SLC25A48: variants seen among roughly 807,000 people sequenced by gnomAD.
The protein encoded by SLC25A48 is CTC-321K16.1.
SLC25A48 carries 29 observed loss-of-function variants against 32.2 expected under a neutral mutation model. That is an observed-to-expected ratio of 0.90 (90% confidence interval 0.67 to 1.23). SLC25A48 has a LOEUF of 1.23. Among genes scored for constraint, SLC25A48 ranks in the 50% most tolerant of loss-of-function variants. The pLI is 0.00. For missense variants in SLC25A48, 399 were observed against 422.7 expected, an observed-to-expected ratio of 0.94 and a Z score of 0.49; for synonymous variants, 164 against 172.3, an observed-to-expected ratio of 0.95 and a Z score of 0.38.
chr5:135,712,088 T>C (rs2126975243), intron 3 of SLC25A48, among the ~76,000 whole-genome samples: 1 of 152,344 alleles, frequency 6.6e-6, no homozygotes, highest in Non-Finnish European at 1.5e-5. Flanking sequence ...TCAGAGCATC[T>C]TTTGTTCCAA....
intron 1 of SLC25A48, among the ~76,000 whole-genome samples, chr5:135,594,293 A>G (rs754801353): frequency 1.3e-5 from 2 of 152,218 alleles, no homozygotes; most frequent in Non-Finnish European, 2.9e-5. Flanking sequence ...AAGTGGCTTC[A>G]GTTGGGGATA....
At chr5:135,858,589 G>A (rs1760526247) in intron 4 of SLC25A48, among the ~76,000 whole-genome samples, 1 of 152,218 alleles carries the variant, frequency 6.6e-6, no homozygotes, top group Admixed American at 6.5e-5. Flanking sequence ...GAGGAACAAA[G>A]AGGTTTCATA....
rs551917606 is a variant in SLC25A48 at position 135,778,935 on chromosome 5, A to G, written c.-520-33588A>G. On this transcript the variant is annotated intron_variant, in intron 3 of 10. Coordinates refer to the SLC25A48 transcript ENST00000646290. The stretch of plus-strand genomic sequence containing the variant: ...GCAGGAGGTGTACACCTCCACTCAT[A>G]TATGTTTTAGTTCTCAAGGGGGGAG... 4.0e-5 allele frequency among the ~76,000 whole-genome samples: 6 copies of G among 148,212 alleles called. No homozygotes were observed. In the South Asian group the frequency reaches 1.3e-3, roughly 32 times the overall value.
At chr5:135,792,713 T>A (rs1757062902) in intron 3 of SLC25A48, among the ~76,000 whole-genome samples, 1 of 151,772 alleles carries the variant, frequency 6.6e-6, no homozygotes, top group Non-Finnish European at 1.5e-5. Context: ...GAATACTATT[T>A]GTAATATCCT....
chr5:135,641,531 C>T (rs1752837740), intron 3 of SLC25A48, among the ~76,000 whole-genome samples: 1 of 152,120 alleles, frequency 6.6e-6, no homozygotes, highest in Non-Finnish European at 1.5e-5. Flanking sequence ...CCAGAGGGTA[C>T]TGGAACTCTT....
chr5:135,833,229 C>T (rs193011753), upstream of SLC25A48, among the ~76,000 whole-genome samples: 7 of 152,364 alleles, frequency 4.6e-5, no homozygotes, highest in East Asian at 5.8e-4. Context: ...TGCTCCAGCT[C>T]GTTAGTAGTT....
At chr5:135,837,446 G>C (rs1055443330) in intron 1 of SLC25A48, among the ~76,000 whole-genome samples, 2 of 152,130 alleles carry the variant, frequency 1.3e-5, no homozygotes, top group African/African-American at 4.8e-5. Flanking sequence ...GTGTTCTCGG[G>C]AATTTGTCTT....
At chr5:135,632,462 C>T (rs983375903) in intron 2 of SLC25A48, among the ~76,000 whole-genome samples, 1 of 152,228 alleles carries the variant, frequency 6.6e-6, no homozygotes, top group South Asian at 2.1e-4. Flanking sequence ...TAAACTTTAG[C>T]ATGCTCAGGG....
intron 3 of SLC25A48, among the ~76,000 whole-genome samples, chr5:135,667,536 G>T (rs1238305837): frequency 6.6e-6 from 1 of 152,062 alleles, no homozygotes; most frequent in Non-Finnish European, 1.5e-5. Flanking sequence ...ACCACCCTTA[G>T]CTTTCTTGTT....
At chr5:135,789,365 G>T (rs1403585042) in intron 3 of SLC25A48, among the ~76,000 whole-genome samples, 2 of 151,480 alleles carry the variant, frequency 1.3e-5, no homozygotes, top group African/African-American at 4.9e-5. Flanking sequence ...CCTGCCATAT[G>T]ATTTGTAATA....
intron 3 of SLC25A48, among the ~76,000 whole-genome samples, chr5:135,704,087 A>G (rs886225328): frequency 6.6e-6 from 1 of 152,170 alleles, no homozygotes; most frequent in African/African-American, 2.4e-5. Flanking sequence ...ACCTGACTTG[A>G]AGTTATGAAG....
chr5:135,798,565 T>A (rs1757243414), intron 3 of SLC25A48, among the ~76,000 whole-genome samples: 1 of 151,230 alleles, frequency 6.6e-6, no homozygotes, highest in South Asian at 2.1e-4. Context: ...CTTGTGATAT[T>A]GTTCCTATTA....
intron 3 of SLC25A48, among the ~76,000 whole-genome samples, chr5:135,771,898 G>C (rs1295507096): frequency 6.6e-6 from 1 of 151,356 alleles, no homozygotes; most frequent in African/African-American, 2.4e-5. Context: ...GGGAGAGGAT[G>C]CTATTACTTC....
At chr5:135,781,979 T>C (rs1223063088) in intron 3 of SLC25A48, among the ~76,000 whole-genome samples, 2 of 100,180 alleles carry the variant, frequency 2.0e-5, no homozygotes, top group African/African-American at 5.6e-5. Flanking sequence ...GTTGTACAAC[T>C]TCCCTGTGAT....
intron 3 of SLC25A48, among the ~76,000 whole-genome samples, chr5:135,770,108 T>C (rs1756365844): frequency 6.6e-6 from 1 of 151,534 alleles, no homozygotes. Context: ...ATGATATTAT[T>C]CCTAATATTG....
In SLC25A48 at chr5:135,725,297, G is replaced by A. The variant is rs146544120; in HGVS notation, c.-520-87226G>A. Among the ~76,000 whole-genome samples, 13 of 152,352 alleles carry A rather than the reference G, an allele frequency of 8.5e-5. No individual in the cohort carries two copies. In the East Asian group the frequency reaches 2.5e-3, roughly 29 times the overall value. On this transcript the variant is annotated intron_variant, in intron 3 of 10. Transcript: ENST00000646290. Reference sequence around the variant, plus strand: ...CAAGCAAGATACTTCCTGAAGACAAGTGATGTGAAGGAGACAGTCTAGGAG... The same window carrying A: ...CAAGCAAGATACTTCCTGAAGACAAATGATGTGAAGGAGACAGTCTAGGAG...
intron 1 of SLC25A48, among the ~76,000 whole-genome samples, chr5:135,590,059 T>G (rs749162323): frequency 6.6e-6 from 1 of 152,002 alleles, no homozygotes; most frequent in African/African-American, 2.4e-5. Flanking sequence ...TGCTTTTTTG[T>G]TTTTTTTGGA....
chr5:135,694,372 A>G (rs1754219023), intron 3 of SLC25A48, among the ~76,000 whole-genome samples: 1 of 152,156 alleles, frequency 6.6e-6, no homozygotes, highest in Non-Finnish European at 1.5e-5. Context: ...ACCTTGAGGT[A>G]CCTGAAGATG....
rs371423024 is a variant in SLC25A48 at position 135,823,017 on chromosome 5, G to T, written c.-117+10091G>T. 3.9e-5 allele frequency among the ~76,000 whole-genome samples: 6 copies of T among 152,272 alleles called. No individual in the cohort carries two copies. The East Asian group carries it at 1.2e-3, about 29-fold the overall frequency. ...CCAGAAGCTGGCAGTCTATGGGCCA[G>T]TAGGCACTTACCAAGGAGTCTGGCT... On this transcript the variant is annotated intron_variant, in intron 4 of 10. Coordinates refer to the SLC25A48 transcript ENST00000646290.
Sources: gnomAD v4.1 joint callset for allele counts (sites outside exome capture counted in the v4.1 genomes callset) on GRCh38, gnomAD v4.1.1 for gene constraint, MANE v1.5 for transcripts, NCBI Gene and HGNC (gene_info 2026-07-23, HGNC 2026-07-21) for gene names.